NCOA1: variants seen among roughly 807,000 people sequenced by gnomAD.
The protein encoded by NCOA1 is nuclear receptor coactivator 1.
In NCOA1, 35 loss-of-function variants were observed where a neutral mutation model predicts 150.9. The ratio of observed to expected loss-of-function variants is 0.23; its 90% CI spans 0.18 to 0.31. The LOEUF (loss-of-function observed/expected upper bound fraction) is 0.31. Among genes scored for constraint, NCOA1 ranks in the 10% least tolerant of loss-of-function variants. The probability of loss-of-function intolerance (pLI) is 1.00; values close to 1 mark genes in which losing one functional copy is unlikely to be tolerated. For synonymous variants in NCOA1, 590 were observed against 630.0 expected, an observed-to-expected ratio of 0.94 and a Z score of 0.95; for missense variants, 1,491 against 1,749.3, an observed-to-expected ratio of 0.85 and a Z score of 2.63.
intron 4 of NCOA1, among the ~76,000 whole-genome samples, chr2:24,648,297 GGTGTCTCACT>G (rs924082986): frequency 2.7e-5 from 4 of 149,562 alleles, no homozygotes. Flanking sequence ...TTTTTGAGAC[GGTGTCTCACT>G]GTGTCGCCCA....
intron 22 of NCOA1, among the ~76,000 whole-genome samples, chr2:24,764,026 G>A (rs1664928400): frequency 1.3e-5 from 2 of 152,216 alleles, no homozygotes. Context: ...GAACTGTGGG[G>A]AGAAGTGAGG....
intron 9 of NCOA1, 120 bp downstream of exon 9, chr2:24,691,780 T>G: frequency 1.1e-6 from 1 of 918,490 alleles, no homozygotes; most frequent in Non-Finnish European, 1.6e-6. Flanking sequence ...ATATGTATCA[T>G]AGTGGCTATT....
At chr2:24,590,134 T>C (rs1200215491) in intron 3 of NCOA1, among the ~76,000 whole-genome samples, 1 of 152,212 alleles carries the variant, frequency 6.6e-6, no homozygotes, top group East Asian at 1.9e-4. Flanking sequence ...AGTGTAAAAT[T>C]CTTTCTTTAA....
intron 14 of NCOA1, among the ~76,000 whole-genome samples, chr2:24,724,181 G>T (rs11682130): frequency 0.49 from 74,203 of 151,858 alleles, 19,795 homozygotes; most frequent in Admixed American, 0.64. Context: ...CCTTTGCAAA[G>T]ATGATAACGA....
At chr2:24,494,636 A>G (rs1236852063) in intron 1 of NCOA1, among the ~76,000 whole-genome samples, 1 of 152,198 alleles carries the variant, frequency 6.6e-6, no homozygotes, top group Non-Finnish European at 1.5e-5. Flanking sequence ...CTTTCCTGGC[A>G]GAGGTCCAAA....
chr2:24,494,891 T>A (rs1663134568), intron 1 of NCOA1, among the ~76,000 whole-genome samples: 1 of 152,186 alleles, frequency 6.6e-6, no homozygotes, highest in African/African-American at 2.4e-5. Flanking sequence ...GTTTAGCCGT[T>A]GGTGATTGGC....
chr2:24,769,994 G>A lies in NCOA1; in HGVS notation c.*1603G>A. ...CTTCAAGGAAGAAGCCATTTCCCCA[G>A]GTCCTTCCTTCTGCATCTCACCACC... On this transcript the variant is annotated 3_prime_UTR_variant, in exon 23 of 23. Coordinates refer to ENST00000348332, the MANE Select transcript of NCOA1 (RefSeq NM_003743.5). The A allele has an allele frequency of 8.8e-6, 2 of 227,456 alleles. No homozygotes were observed. Among genetic ancestry groups the A allele is most frequent in the Middle Eastern group, 1.3e-3 (1 of 756 alleles). The allele number at this position is 227,456 out of a possible 1,614,324, so 14.1% of individuals were successfully genotyped here. A position where few individuals can be genotyped will look rare whatever the true frequency, so the allele number is the denominator to read the frequency against.
chr2:24,609,976 A>G (rs1159041061), intron 3 of NCOA1, among the ~76,000 whole-genome samples: 1 of 151,984 alleles, frequency 6.6e-6, no homozygotes, highest in African/African-American at 2.4e-5. Flanking sequence ...ATGTATGACA[A>G]TTTTATGTCT....
intron 19 of NCOA1, among the ~76,000 whole-genome samples, chr2:24,747,152 C>T (rs943480009): frequency 1.4e-4 from 22 of 151,972 alleles, no homozygotes; most frequent in Non-Finnish European, 2.9e-5. Context: ...CTAAGGGAAA[C>T]TGTTCATTCC....
intron 22 of NCOA1, among the ~76,000 whole-genome samples, chr2:24,763,525 G>A (rs1226589040): frequency 1.4e-4 from 17 of 120,570 alleles, no homozygotes; most frequent in African/African-American, 5.3e-4. Flanking sequence ...GGGCGACAGC[G>A]AGACTCCATC....
In NCOA1 at chr2:24,491,301, G is replaced by A. The variant is rs1232425850; in HGVS notation, c.-697G>A. Among the ~76,000 whole-genome samples the A allele has an allele frequency of 2.0e-5, 3 of 147,428 alleles. No homozygotes were observed. In the East Asian group the frequency reaches 5.9e-4, roughly 29 times the overall value. ...GAGAACATGGCGGCCGCGGAGAGCG[G>A]CTGAAATGCCTGTTCTTCAGGCCGG... On this transcript the variant is annotated 5_prime_UTR_variant, in exon 1 of 23. Transcript: ENST00000348332.
At chr2:24,679,190 T>C (rs1321509044) in intron 7 of NCOA1, among the ~76,000 whole-genome samples, 1 of 152,236 alleles carries the variant, frequency 6.6e-6, no homozygotes, top group Admixed American at 6.5e-5. Flanking sequence ...GATTGATTAC[T>C]GAATGCATAG....
At chr2:24,614,225 T>TTTTTTTTTTTTTTTTTTTG in intron 3 of NCOA1, among the ~76,000 whole-genome samples, 1 of 116,796 alleles carries the variant, frequency 8.6e-6, no homozygotes, top group African/African-American at 3.1e-5. Flanking sequence ...TTTTTTTTTT[T>TTTTTTTTTTTTTTTTTTTG]TTTTTTGCTA....
intron 6 of NCOA1, among the ~76,000 whole-genome samples, chr2:24,667,841 C>G (rs1253810574): frequency 1.3e-5 from 2 of 152,128 alleles, no homozygotes; most frequent in Admixed American, 6.5e-5. Context: ...AATACGTCTT[C>G]TGAGTAAAGT....
intron 9 of NCOA1, 24 bp from the exon 10 acceptor site, chr2:24,693,228 A>T (rs771363647): frequency 6.2e-7 from 1 of 1,607,292 alleles, no homozygotes; most frequent in Admixed American, 1.7e-5. Flanking sequence ...CTATCCTTCA[A>T]TTTCCCCGTC....
Position 24,726,571 on chromosome 2 carries a change from C to T in NCOA1, c.2600-18C>T. On this transcript the variant is annotated intron_variant, in intron 14 of 22. Transcript: ENST00000348332. Reference sequence around the variant, plus strand: ...CTCCACTGAGATAATGACTTCTTACCTTTTCTTCTTAAATCAGGATTACCT... The same window carrying T: ...CTCCACTGAGATAATGACTTCTTACTTTTTCTTCTTAAATCAGGATTACCT... 2.6e-6 allele frequency: 4 copies of T among 1,537,316 alleles called. No individual in the cohort carries two copies. The highest frequency in any genetic ancestry group is 3.6e-6 in the Non-Finnish European group (4 of 1,116,450).
At chr2:24,637,495 G>A (rs964089719) in intron 3 of NCOA1, among the ~76,000 whole-genome samples, 3 of 151,566 alleles carry the variant, frequency 2.0e-5, no homozygotes, top group African/African-American at 7.3e-5. Flanking sequence ...TATACACCAT[G>A]GAATACTATG....
chr2:24,618,650 G>A (rs145415341), intron 3 of NCOA1, among the ~76,000 whole-genome samples: 1 of 152,264 alleles, frequency 6.6e-6, no homozygotes. Context: ...TCACAAATCT[G>A]TGCTCATTCC....
intron 21 of NCOA1, among the ~76,000 whole-genome samples, chr2:24,759,173 C>A (rs917936929): frequency 6.6e-6 from 1 of 152,046 alleles, no homozygotes; most frequent in East Asian, 1.9e-4. Flanking sequence ...ACAACATGAA[C>A]AAAGGATCAT....
Sources: gnomAD v4.1 joint callset for allele counts (sites outside exome capture counted in the v4.1 genomes callset) on GRCh38, gnomAD v4.1.1 for gene constraint, MANE v1.5 for transcripts, NCBI Gene and HGNC (gene_info 2026-07-23, HGNC 2026-07-21) for gene names.